DLC1: variants seen among roughly 807,000 people sequenced by gnomAD.
DLC1 encodes rho GTPase-activating protein 7.
In DLC1, 54 loss-of-function variants were observed where a neutral mutation model predicts 140.3. The ratio of observed to expected loss-of-function variants is 0.38; its 90% confidence interval spans 0.31 to 0.48. The LOEUF is 0.48. Ranked by LOEUF, DLC1 falls within the 20% of genes least tolerant of loss-of-function variation. DLC1 has a pLI of 0.96. For synonymous variants in DLC1, 986 were observed against 728.1 expected, an observed-to-expected ratio of 1.35 and a Z score of -5.70; for missense variants, 2,536 against 1,907.0, an observed-to-expected ratio of 1.33 and a Z score of -6.14.
chr8:13,377,508 T>G (rs563618505), intron 4 of DLC1, among the ~76,000 whole-genome samples: 64 of 152,192 alleles, frequency 4.2e-4, no homozygotes, highest in African/African-American at 1.5e-3. Flanking sequence ...AAAATTAAAG[T>G]TTGTAGAAAT....
chr8:13,520,799 G>T (rs1218252594), intron 1 of DLC1, among the ~76,000 whole-genome samples: 1 of 152,018 alleles, frequency 6.6e-6, no homozygotes, highest in Non-Finnish European at 1.5e-5. Flanking sequence ...TGTGTGCCCT[G>T]CCCATAGAGG....
At chr8:13,588,028 C>G (rs1805390136) in intron 1 of DLC1, among the ~76,000 whole-genome samples, 3 of 152,078 alleles carry the variant, frequency 2.0e-5, no homozygotes, top group Admixed American at 1.3e-4. Flanking sequence ...ATAGGTCCTA[C>G]TTCAGCTTAC....
intron 2 of DLC1, among the ~76,000 whole-genome samples, chr8:13,408,157 A>G (rs1837644441): frequency 2.0e-5 from 3 of 152,194 alleles, no homozygotes; most frequent in African/African-American, 7.2e-5. Context: ...GAAAGAAAAC[A>G]ACAACTATTT....
intron 5 of DLC1, among the ~76,000 whole-genome samples, chr8:13,218,383 G>T (rs1196050341): frequency 6.6e-6 from 1 of 152,204 alleles, no homozygotes; most frequent in Non-Finnish European, 1.5e-5. Context: ...AGAAGGATAA[G>T]CTGGACTTCA....
intron 1 of DLC1, among the ~76,000 whole-genome samples, chr8:13,597,055 G>A (rs983230192): frequency 6.6e-6 from 1 of 151,816 alleles, no homozygotes; most frequent in African/African-American, 2.4e-5. Context: ...AATGCAGCAA[G>A]GACAAGTAAA....
intron 1 of DLC1, among the ~76,000 whole-genome samples, chr8:13,573,446 T>C (rs942249315): frequency 2.8e-4 from 42 of 152,190 alleles, no homozygotes; most frequent in African/African-American, 9.7e-4. Context: ...TTGAATGCCT[T>C]TCTATCTTTG....
chr8:13,577,823 G>A (rs1168921542), intron 1 of DLC1, among the ~76,000 whole-genome samples: 2 of 152,004 alleles, frequency 1.3e-5, no homozygotes, highest in Non-Finnish European at 2.9e-5. Flanking sequence ...GCTTCTTCCT[G>A]TTGGAGAGTA....
At chr8:13,170,806 C>A (rs1198194657) in intron 5 of DLC1, among the ~76,000 whole-genome samples, 1 of 151,092 alleles carries the variant, frequency 6.6e-6, no homozygotes, top group African/African-American at 2.4e-5. Flanking sequence ...TTCCAGACAT[C>A]TAATGCTAGA....
At chr8:13,295,110 C>T (rs1357713976) in intron 5 of DLC1, among the ~76,000 whole-genome samples, 1 of 152,034 alleles carries the variant, frequency 6.6e-6, no homozygotes, top group Non-Finnish European at 1.5e-5. Flanking sequence ...TAAATATATC[C>T]AAGAGGATCA....
At chr8:13,460,507 T>C (rs1205727970) in intron 2 of DLC1, among the ~76,000 whole-genome samples, 2 of 152,200 alleles carry the variant, frequency 1.3e-5, no homozygotes, top group Non-Finnish European at 2.9e-5. Flanking sequence ...CTGGAATATC[T>C]CCTAGGGTAG....
chr8:13,395,595 C>G lies in DLC1; in HGVS notation c.1174-1902G>C, dbSNP rs139302172. Among the ~76,000 whole-genome samples, 323 of 152,262 alleles carry G rather than the reference C, an allele frequency of 2.1e-3. 3 individuals are homozygous for G. The highest frequency in any genetic ancestry group is 0.02 in the Admixed American group (302 of 15,294). ...CTACTAGACTGACAAATATTAATAC[C>G]TTTTCTTCCTTAATTCTCACAATAG... On this transcript the variant is annotated intron_variant, in intron 3 of 17. Coordinates refer to ENST00000276297, the MANE Select transcript of DLC1 (RefSeq NM_182643.3).
At chr8:13,387,703 T>C (rs1298771749) in intron 4 of DLC1, among the ~76,000 whole-genome samples, 1 of 152,118 alleles carries the variant, frequency 6.6e-6, no homozygotes, top group African/African-American at 2.4e-5. Context: ...CAAATGCAAA[T>C]GACATTTTAT....
chr8:13,600,654 A>G (rs1169288367), intron 1 of DLC1, among the ~76,000 whole-genome samples: 1 of 151,892 alleles, frequency 6.6e-6, no homozygotes, highest in Non-Finnish European at 1.5e-5. Context: ...TAATGAAAAG[A>G]TTTTATTTTA....
chr8:13,274,248 A>G (rs904280162), intron 5 of DLC1, among the ~76,000 whole-genome samples: 1 of 152,228 alleles, frequency 6.6e-6, no homozygotes, highest in Non-Finnish European at 1.5e-5. Flanking sequence ...GTCAATCTTC[A>G]TTTGACTAAC....
intron 7 of DLC1, among the ~76,000 whole-genome samples, chr8:13,105,019 A>G (rs1224061377): frequency 1.3e-5 from 2 of 152,228 alleles, no homozygotes; most frequent in African/African-American, 2.4e-5. Context: ...TCTGGGTTCC[A>G]TTAATCAAAC....
intron 5 of DLC1, among the ~76,000 whole-genome samples, chr8:13,145,883 G>A (rs1334044840): frequency 6.6e-6 from 1 of 151,938 alleles, no homozygotes; most frequent in African/African-American, 2.4e-5. Flanking sequence ...GAAGAGCATG[G>A]GGGTAACTTT....
chr8:13,147,126 C>T (rs1255725346), intron 5 of DLC1, among the ~76,000 whole-genome samples: 1 of 152,160 alleles, frequency 6.6e-6, no homozygotes, highest in African/African-American at 2.4e-5. Context: ...ATTCTTTGTC[C>T]TTGCTAGGCC....
At chr8:13,542,443 T>C (rs1365182487) in intron 1 of DLC1, among the ~76,000 whole-genome samples, 1 of 152,228 alleles carries the variant, frequency 6.6e-6, no homozygotes, top group East Asian at 1.9e-4. Context: ...ATGTCTTGAC[T>C]ATTGTAACTG....
At chr8:13,143,813 T>TGAGAGAGAGA (rs35079610) in intron 5 of DLC1, among the ~76,000 whole-genome samples, 1,639 of 128,632 alleles carry the variant, frequency 0.013, 34 homozygotes, top group South Asian at 0.033. Flanking sequence ...AATGAAAAGC[T>TGAGAGAGAGA]GAGAGAGAGA....
Sources: gnomAD v4.1 joint callset for allele counts (sites outside exome capture counted in the v4.1 genomes callset) on GRCh38, gnomAD v4.1.1 for gene constraint, MANE v1.5 for transcripts, NCBI Gene and HGNC (gene_info 2026-07-23, HGNC 2026-07-21) for gene names.